Variants in DHRS9 observed in about 807,000 individuals in gnomAD.
The protein encoded by DHRS9 is dehydrogenase/reductase SDR family member 9.
Under a neutral mutation model 26.6 loss-of-function variants are expected in DHRS9, and 18 were observed. That is an observed-to-expected ratio of 0.68 (90% CI 0.47 to 1.00). The LOEUF (loss-of-function observed/expected upper bound fraction) is 1.00, where lower values mean the gene tolerates loss of function less well. Ranked by LOEUF, DHRS9 falls within the 50% of genes least tolerant of loss-of-function variation. The pLI is 0.00. For synonymous variants in DHRS9, 134 were observed against 141.1 expected (o/e 0.95, Z 0.36); for missense variants, 425 against 378.7 (o/e 1.12, Z -1.01).
At chr2:169,079,979 GA>G (rs2105288308) in intron 1 of DHRS9, among the ~76,000 whole-genome samples, 2 of 58,170 alleles carry the variant, frequency 3.4e-5, no homozygotes, top group South Asian at 1.5e-3. Flanking sequence ...GAGAGAGAGA[GA>G]GAGAGAAAGA....
chr2:169,089,503 A>G (rs1684455132), intron 3 of DHRS9, among the ~76,000 whole-genome samples: 1 of 152,214 alleles, frequency 6.6e-6, no homozygotes, highest in Non-Finnish European at 1.5e-5. Context: ...ACAATAGGCA[A>G]GTGAGAAGAC....
intron 4 of DHRS9, 81 bp from the exon 5 acceptor site, chr2:169,095,463 C>T (rs574156665): frequency 4.7e-6 from 5 of 1,067,086 alleles, no homozygotes; most frequent in Non-Finnish European, 7.2e-6. Context: ...CCCCTTGTAT[C>T]CATCCTCCCC....
At chr2:169,095,058 C>T (rs374587161) in intron 4 of DHRS9, among the ~76,000 whole-genome samples, 1 of 152,118 alleles carries the variant, frequency 6.6e-6, no homozygotes, top group African/African-American at 2.4e-5. Context: ...CATGTGCAAC[C>T]CACATTTTCT....
chr2:169,081,205 G>A (rs1684170604), intron 1 of DHRS9: 1 of 990,740 alleles, frequency 1.0e-6, no homozygotes, highest in African/African-American at 1.7e-5. Flanking sequence ...TCACTCCTGA[G>A]ATTAATACCA....
At chr2:169,071,966 AT>A (rs201118100) in intron 1 of DHRS9, among the ~76,000 whole-genome samples, 75 of 143,460 alleles carry the variant, frequency 5.2e-4, no homozygotes, top group Admixed American at 1.0e-3. Flanking sequence ...TCCAGTGTTC[AT>A]TTTTTTTTAA....
Position 169,081,630 on chromosome 2 carries a change from A to G in DHRS9, c.49A>G (p.Thr17Ala). ...CCTAATCCTCTGTGGTTTTCTGTGG[A>G]CTCGTAAAGGAAAACTAAAGATTGA... ...GLLILCGFLW[T>A]RKGKLKIEDI... The change falls in exon 2 of 5, where the codon ACT becomes GCT. Residue 17 changes from threonine (T) to alanine (A), a missense_variant. Transcript: ENST00000674881. 6.2e-7 allele frequency: 1 copy of G among 1,614,102 alleles called. No homozygotes were observed. The highest frequency in any genetic ancestry group is 8.5e-7 in the Non-Finnish European group (1 of 1,180,006).
At chr2:169,076,064 G>T (rs1275708934) in intron 1 of DHRS9, among the ~76,000 whole-genome samples, 1 of 152,136 alleles carries the variant, frequency 6.6e-6, no homozygotes, top group Non-Finnish European at 1.5e-5. Context: ...TGCTATGTCA[G>T]TTGCCAAATG....
At chr2:169,069,533 G>A (rs141479092), upstream of DHRS9, 274 of 985,350 alleles carry the variant, frequency 2.8e-4, no homozygotes, top group African/African-American at 4.6e-3. Context: ...AGAGCAAGGA[G>A]AGAACCTGAG....
chr2:169,084,499 T>A (rs1684291199), intron 3 of DHRS9, among the ~76,000 whole-genome samples: 1 of 152,154 alleles, frequency 6.6e-6, no homozygotes, highest in Non-Finnish European at 1.5e-5. Flanking sequence ...TCATCAGCAT[T>A]TGTTATTGCC....
chr2:169,088,565 C>G (rs1362038228), intron 3 of DHRS9, among the ~76,000 whole-genome samples: 2 of 152,168 alleles, frequency 1.3e-5, no homozygotes, highest in Non-Finnish European at 2.9e-5. Context: ...ATGAAGGCTT[C>G]TATTTGGCCA....
intron 1 of DHRS9, among the ~76,000 whole-genome samples, chr2:169,081,314 A>G (rs1684173852): frequency 6.6e-6 from 1 of 151,836 alleles, no homozygotes; most frequent in African/African-American, 2.4e-5. Context: ...TTCTCTGAAT[A>G]CTCCTTGGTT....
chr2:169,079,976 AG>A (rs1684117994), intron 1 of DHRS9, among the ~76,000 whole-genome samples: 4 of 116,432 alleles, frequency 3.4e-5, no homozygotes, highest in South Asian at 6.9e-4. Context: ...AGAGAGAGAG[AG>A]AGAGAGAGAA....
intron 1 of DHRS9, among the ~76,000 whole-genome samples, chr2:169,072,954 C>T (rs1683851317): frequency 6.6e-6 from 1 of 152,078 alleles, no homozygotes; most frequent in Admixed American, 6.5e-5. Flanking sequence ...TAAACACTTC[C>T]CAAAACTTTG....
At chr2:169,090,988 T>C (rs906269417) in intron 3 of DHRS9, among the ~76,000 whole-genome samples, 2 of 152,134 alleles carry the variant, frequency 1.3e-5, no homozygotes, top group African/African-American at 2.4e-5. Context: ...TGGGCCAATG[T>C]AAGTGTCCTG....
At chr2:169,093,616 A>T (rs1204038500) in intron 4 of DHRS9, among the ~76,000 whole-genome samples, 1 of 152,200 alleles carries the variant, frequency 6.6e-6, no homozygotes, top group Non-Finnish European at 1.5e-5. Context: ...CTTTGAATAT[A>T]TCACTGACTT....
intron 2 of DHRS9, among the ~76,000 whole-genome samples, chr2:169,082,422 C>G (rs1684219419): frequency 6.6e-6 from 1 of 152,136 alleles, no homozygotes; most frequent in Admixed American, 6.5e-5. Flanking sequence ...ATAGATTCTG[C>G]TATGGTGACT....
chr2:169,095,261 T>G (rs1684657129), intron 4 of DHRS9, among the ~76,000 whole-genome samples: 1 of 152,150 alleles, frequency 6.6e-6, no homozygotes, highest in Non-Finnish European at 1.5e-5. Flanking sequence ...GGGCCCCACC[T>G]CATACCTCAG....
At chr2:169,084,953 T>G (rs1010548171) in intron 3 of DHRS9, among the ~76,000 whole-genome samples, 10 of 152,236 alleles carry the variant, frequency 6.6e-5, no homozygotes, top group African/African-American at 2.4e-4. Flanking sequence ...TGTAGTAGTT[T>G]CAGAGTTTGA....
intron 4 of DHRS9, among the ~76,000 whole-genome samples, chr2:169,094,369 T>C (rs892348525): frequency 6.6e-6 from 1 of 152,152 alleles, no homozygotes; most frequent in Admixed American, 6.5e-5. Flanking sequence ...CCATTCTGTA[T>C]GTTTTCTCTT....
Sources: gnomAD v4.1 joint callset for allele counts (sites outside exome capture counted in the v4.1 genomes callset) on GRCh38, gnomAD v4.1.1 for gene constraint, MANE v1.5 for transcripts, NCBI Gene and HGNC (gene_info 2026-07-23, HGNC 2026-07-21) for gene names.